The following SLC6A19 variants were observed in gnomAD, a reference collection of about 807,000 sequenced individuals.
SLC6A19 encodes the protein sodium-dependent neutral amino acid transporter B(0)AT1.
Under a neutral mutation model 68.3 loss-of-function variants are expected in SLC6A19, and 67 were observed. The observed-to-expected ratio is 0.98, with a 90% confidence interval of 0.81 to 1.20. SLC6A19 has a LOEUF of 1.20. SLC6A19 is among the 50% of genes most tolerant of loss of function. The pLI is 0.00. For synonymous variants in SLC6A19, 392 were observed against 374.9 expected (o/e 1.05, Z -0.53); for missense variants, 813 against 851.6 (o/e 0.95, Z 0.56).
Position 1,214,459 on chromosome 5 carries a change from C to G in SLC6A19, c.887+394C>G, listed in dbSNP as rs932954869. Among the ~76,000 whole-genome samples the G allele has an allele frequency of 4.6e-5, 7 of 152,214 alleles. No homozygotes were observed. The highest frequency in any genetic ancestry group is 1.0e-4 in the Non-Finnish European group (7 of 68,034). On this transcript the variant is annotated intron_variant, in intron 6 of 11. Transcript: ENST00000304460. The surrounding 1 kb of genome is among the most constrained non-coding windows in gnomAD (Gnocchi z 7.4). ...TCCACGTCCCCGACCAAGGTCTGATCCTTCCACTGCCCCTTCCCCACGTAC... is the reference window on the plus strand; with the variant it reads ...TCCACGTCCCCGACCAAGGTCTGATGCTTCCACTGCCCCTTCCCCACGTAC...
At chr5:1,203,512 G>C (rs1745772519) in intron 1 of SLC6A19, among the ~76,000 whole-genome samples, 1 of 152,174 alleles carries the variant, frequency 6.6e-6, no homozygotes, top group Non-Finnish European at 1.5e-5. Context: ...CCCACTCCTG[G>C]GGTGGACACC....
chr5:1,211,640 T>C (rs1469969084), intron 3 of SLC6A19, among the ~76,000 whole-genome samples: 2 of 152,128 alleles, frequency 1.3e-5, no homozygotes, highest in Non-Finnish European at 2.9e-5. Flanking sequence ...GCTATGTGTG[T>C]GCTGTGTGTG....
At chr5:1,205,423 G>A (rs1197291547) in intron 1 of SLC6A19, among the ~76,000 whole-genome samples, 1 of 152,198 alleles carries the variant, frequency 6.6e-6, no homozygotes, top group African/African-American at 2.4e-5. Flanking sequence ...GGGTGGAGTG[G>A]GTGTGTGCCC....
chr5:1,212,715 C>T lies in SLC6A19; in HGVS notation c.663+231C>T, dbSNP rs1011580856. ...CAGACTTGGGGCTCCAGGAACTTGA[C>T]GTTGGCCCACACGACACTTAGCGTT... On this transcript the variant is annotated intron_variant, in intron 4 of 11. Coordinates refer to ENST00000304460, the MANE Select transcript of SLC6A19 (RefSeq NM_001003841.3). The surrounding 1 kb of genome is among the most constrained non-coding windows in gnomAD (Gnocchi z 5.1). Among the ~76,000 whole-genome samples, 8 of 152,014 alleles carry T rather than the reference C, an allele frequency of 5.3e-5. No homozygotes were observed. The highest frequency in any genetic ancestry group is 1.3e-4 in the Admixed American group (2 of 15,270).
In SLC6A19 at chr5:1,214,128, A is replaced by G; in HGVS notation, c.887+63A>G. On this transcript the variant is annotated intron_variant, in intron 6 of 11. Coordinates refer to ENST00000304460, the MANE Select transcript of SLC6A19 (RefSeq NM_001003841.3). This position sits in a 1 kb window ranked among gnomAD's most constrained non-coding sequence, Gnocchi z 7.4. ...GTCCTGGGGGGATCTTGCTGGGAGG[A>G]TAAAAGACAAGGTGGAAAGCACTCT... 2.5e-6 allele frequency: 4 copies of G among 1,610,818 alleles called. No homozygotes were observed. In the South Asian group the frequency reaches 3.3e-5, roughly 13 times the overall value.
chr5:1,214,199 T>C lies in SLC6A19; in HGVS notation c.887+134T>C, dbSNP rs1579514437. 2 of 1,497,606 alleles carry C rather than the reference T, an allele frequency of 1.3e-6. No individual in the cohort carries two copies. Among genetic ancestry groups the C allele is most frequent in the East Asian group, 2.5e-5 (1 of 40,672 alleles). The allele number at this position is 1,497,606 out of a possible 1,614,324, so 92.8% of individuals were successfully genotyped here. ...TTGCTGCCCCGATGGGCCCGTTCCC[T>C]CCTGCTCGGGGTCCATGTGAGCTGA... On this transcript the variant is annotated intron_variant, in intron 6 of 11. Transcript: ENST00000304460. This position sits in a 1 kb window ranked among gnomAD's most constrained non-coding sequence, Gnocchi z 7.4.
intron 8 of SLC6A19, 68 bp downstream of exon 8, chr5:1,217,013 C>A: frequency 6.2e-7 from 1 of 1,605,646 alleles, no homozygotes; most frequent in Non-Finnish European, 8.5e-7. Flanking sequence ...GTCCGGCCAC[C>A]CCTGGGCCCC....
At chr5:1,208,056 TA>T (rs1477903560) in intron 1 of SLC6A19, among the ~76,000 whole-genome samples, 1 of 152,236 alleles carries the variant, frequency 6.6e-6, no homozygotes, top group Non-Finnish European at 1.5e-5. Context: ...TACATATATG[TA>T]AAATTTGCCA....
Position 1,209,353 on chromosome 5 carries a change from C to T in SLC6A19, c.343+467C>T, listed in dbSNP as rs1745954259. On this transcript the variant is annotated intron_variant, in intron 2 of 11. Coordinates refer to ENST00000304460, the MANE Select transcript of SLC6A19 (RefSeq NM_001003841.3). This position sits in a 1 kb window ranked among gnomAD's most constrained non-coding sequence, Gnocchi z 5.5. ...GTGCAGCCTCACCAAGAGGACACGG[C>T]TCATTAAGCCCTCAGAATATGGGCA... Among the ~76,000 whole-genome samples the T allele has an allele frequency of 6.6e-6, 1 of 152,188 alleles. No individual in the cohort carries two copies. Among genetic ancestry groups the T allele is most frequent in the Non-Finnish European group, 1.5e-5 (1 of 68,028 alleles).
Position 1,221,770 on chromosome 5 carries a change from G to A in SLC6A19, c.1771G>A (p.Gly591Arg). ...GTATGTGGTGGTGGTGATTGTGGCT[G>A]GAGTGCCCTCCCTCACCATCCCTGG... ...WVYVVVVIVA[G>R]VPSLTIPGYA... Residue 591 changes from glycine to arginine, a missense_variant, in exon 12 of 12, where the codon GGA (glycine) becomes AGA (arginine). Physicochemically the swap from Gly to Arg is moderately radical, Grantham distance 125. Coordinates refer to ENST00000304460, the MANE Select transcript of SLC6A19 (RefSeq NM_001003841.3). 6.2e-7 allele frequency: 1 copy of A among 1,614,160 alleles called. No homozygotes were observed. The highest frequency in any genetic ancestry group is 8.5e-7 in the Non-Finnish European group (1 of 1,179,996).
intron 4 of SLC6A19, among the ~76,000 whole-genome samples, chr5:1,213,227 C>A (rs1466140214): frequency 7.7e-5 from 7 of 90,786 alleles, no homozygotes; most frequent in African/African-American, 2.8e-4. Flanking sequence ...ACATGCTCTG[C>A]CCTCCGCAGG....
Position 1,214,008 on chromosome 5 carries a change from TCTC to T in SLC6A19, c.833_835del (p.Ser278del). 5 of 1,613,698 alleles carry T rather than the reference TCTC, an allele frequency of 3.1e-6. No homozygotes were observed. The highest frequency in any genetic ancestry group is 2.5e-6 in the Non-Finnish European group (3 of 1,179,982). On this transcript the variant is annotated inframe_deletion, in exon 6 of 12. Coordinates refer to ENST00000304460, the MANE Select transcript of SLC6A19 (RefSeq NM_001003841.3). The surrounding 1 kb of genome is among the most constrained non-coding windows in gnomAD (Gnocchi z 7.4). ...CTGGACGCGGGCGCACAGGTCTTCT[TCTC>T]CTTCTCCCTGGCCTTCGGGGGCCTC...
At position 1,216,802 on chromosome 5, in the gene SLC6A19, C is replaced by G. The variant is rs1427541395; in HGVS notation, c.1030C>G (p.Leu344Val). The change falls in exon 8 of 12, where the codon CTC (leucine) becomes GTC (valine). Residue 344 changes from leucine (L) to valine (V), a missense_variant. Transcript: ENST00000304460. ...TCTGACCCGCAGGAACATCCTGACC[C>G]TCATCAACGGGTTCGACCTGCCTGA... ...DDCFSTNILT[L>V]INGFDLPEGN... The G allele has an allele frequency of 3.7e-6, 6 of 1,613,832 alleles. No individual in the cohort carries two copies. The South Asian group carries it at 5.5e-5, about 15-fold the overall frequency.
Position 1,217,044 on chromosome 5 carries a change from T to A in SLC6A19, c.1173+99T>A, listed in dbSNP as rs556882958. On this transcript the variant is annotated intron_variant, in intron 8 of 11. Transcript: ENST00000304460. The stretch of plus-strand genomic sequence containing the variant: ...GCCCCTGGCCTGTGGAGGACGCAGA[T>A]GCTGAGCTTCAGCCGGGAGGCCCAG... 9.5e-6 allele frequency: 15 copies of A among 1,581,354 alleles called. No individual in the cohort carries two copies. In the African/African-American group the frequency reaches 2.0e-4, roughly 21 times the overall value.
At chr5:1,205,268 G>T (rs1384995465) in intron 1 of SLC6A19, among the ~76,000 whole-genome samples, 6 of 152,266 alleles carry the variant, frequency 3.9e-5, no homozygotes, top group Admixed American at 3.9e-4. Flanking sequence ...ACACTAGGAA[G>T]AAGTCGCTGC....
chr5:1,203,126 GCT>G (rs1561160189), intron 1 of SLC6A19, among the ~76,000 whole-genome samples: 1 of 151,746 alleles, frequency 6.6e-6, no homozygotes, highest in African/African-American at 2.4e-5. Context: ...TGAGTCACAG[GCT>G]CACATCCCCA....
rs766803791 is a variant in SLC6A19, at chr5:1,214,741, G to A, written c.887+676G>A. Among the ~76,000 whole-genome samples, 23 of 151,800 alleles carry A rather than the reference G, an allele frequency of 1.5e-4. No homozygotes were observed. Among genetic ancestry groups the A allele is most frequent in the Non-Finnish European group, 3.2e-4 (22 of 67,914 alleles). ...GCTGGGGGTGAGGGAGGACTCCTAG[G>A]GGTCAGGGTGGCCCTCCAGGCTGTG... On this transcript the variant is annotated intron_variant, in intron 6 of 11. Coordinates refer to ENST00000304460, the MANE Select transcript of SLC6A19 (RefSeq NM_001003841.3). The surrounding 1 kb of genome is among the most constrained non-coding windows in gnomAD (Gnocchi z 7.4).
chr5:1,208,612 C>T, intron 1 of SLC6A19, 134 bp from the exon 2 acceptor site: 1 of 1,201,550 alleles, frequency 8.3e-7, no homozygotes, highest in Non-Finnish European at 1.2e-6. Flanking sequence ...CTGGCTGCTC[C>T]ATCTCAGCTC....
At position 1,212,161 on chromosome 5, in the gene SLC6A19, C is replaced by T. The variant is rs1217844307; in HGVS notation, c.482-142C>T. 1.6e-5 allele frequency: 15 copies of T among 948,910 alleles called. No individual in the cohort carries two copies. The highest frequency in any genetic ancestry group is 4.1e-5 in the South Asian group (3 of 73,634). 58.8% of individuals were successfully genotyped at this position (948,910 alleles called of 1,614,324 possible). A position where few individuals can be genotyped will look rare whatever the true frequency, so the allele number is the denominator to read the frequency against. On this transcript the variant is annotated intron_variant, in intron 3 of 11. Transcript: ENST00000304460. The surrounding 1 kb of genome is among the most constrained non-coding windows in gnomAD (Gnocchi z 5.1). Reference sequence around the variant, plus strand: ...ATGTGCGTGCACGTGAGCATGTGTGCCTGTGTTCATGTGCACGTGTGGGCG... The same window carrying T: ...ATGTGCGTGCACGTGAGCATGTGTGTCTGTGTTCATGTGCACGTGTGGGCG...
Sources: allele counts gnomAD v4.1 joint callset (sites outside exome capture counted in the v4.1 genomes callset), GRCh38; gene constraint gnomAD v4.1.1; non-coding constraint Gnocchi (gnomAD v3.1); transcripts MANE v1.5; gene names NCBI Gene and HGNC (gene_info 2026-07-23, HGNC 2026-07-21).